Variants in BFSP2 observed in about 807,000 individuals in gnomAD.
The protein encoded by BFSP2 is phakinin.
BFSP2 carries 38 observed loss-of-function variants against 44.9 expected under a neutral mutation model. The observed-to-expected ratio is 0.85, with a 90% CI of 0.65 to 1.11. BFSP2 has a LOEUF of 1.11. Ranked by LOEUF, BFSP2 falls within the 50% of genes least tolerant of loss-of-function variation. The pLI, the probability that BFSP2 is intolerant of heterozygous loss-of-function variation, is 0.00. For missense variants in BFSP2, 525 were observed against 533.0 expected (o/e 0.99, Z 0.15); for synonymous variants, 197 against 209.9 (o/e 0.94, Z 0.53).
chr3:133,433,376 G>C (rs1430390909), intron 1 of BFSP2, among the ~76,000 whole-genome samples: 1 of 152,108 alleles, frequency 6.6e-6, no homozygotes, highest in African/African-American at 2.4e-5. Context: ...TTTCCATTGT[G>C]GAAATCTATC....
chr3:133,400,093 A>G lies in BFSP2; in HGVS notation c.10A>G (p.Arg4Gly). The G allele has an allele frequency of 6.2e-7, 1 of 1,614,144 alleles. No homozygotes were observed. MSE[R>G]RVVVDLPTSA... is the part of the protein sequence containing the mutation. The stretch of plus-strand genomic sequence containing the variant: ...AGAGGCAGAAGGGGTGATGAGTGAG[A>G]GGCGAGTGGTAGTGGACTTGCCCAC... The change falls in exon 1 of 7, where the codon AGG (arginine) becomes GGG (glycine). Residue 4 changes from arginine to glycine, a missense_variant. Arg to Gly is a moderately radical substitution (Grantham distance 125). Coordinates refer to ENST00000302334, the MANE Select transcript of BFSP2 (RefSeq NM_003571.4). The surrounding 1 kb of genome is among the most constrained non-coding windows in gnomAD (Gnocchi z 4.0).
chr3:133,410,866 T>C (rs1412325483), intron 1 of BFSP2: 1 of 161,210 alleles, frequency 6.2e-6, no homozygotes, highest in African/African-American at 2.4e-5. Context: ...GCTTTTAATA[T>C]TGTGACTATG....
intron 1 of BFSP2, among the ~76,000 whole-genome samples, chr3:133,429,903 C>T (rs1396071302): frequency 2.0e-5 from 3 of 151,564 alleles, no homozygotes; most frequent in South Asian, 2.1e-4. Context: ...TATCCCTCCC[C>T]ACTACCCCCA....
rs568833397 is a variant in BFSP2, at chr3:133,431,572, C to T, written c.490-15745C>T. ...TGGCCCGAGGCTCTCTGACTGACTC[C>T]TTCTTGGCTTAGCGGCTGAAGACTG... is the stretch of plus-strand genomic sequence containing the variant. On this transcript the variant is annotated intron_variant, in intron 1 of 6. Coordinates refer to ENST00000302334, the MANE Select transcript of BFSP2 (RefSeq NM_003571.4). 2.0e-5 allele frequency among the ~76,000 whole-genome samples: 3 copies of T among 152,340 alleles called. No individual in the cohort carries two copies. The East Asian group carries it at 5.8e-4, about 29-fold the overall frequency.
chr3:133,454,237 T>C (rs1377765244), intron 4 of BFSP2, among the ~76,000 whole-genome samples: 2 of 152,210 alleles, frequency 1.3e-5, no homozygotes, highest in African/African-American at 4.8e-5. Flanking sequence ...GGAGGATTGC[T>C]TGAGGCCAAG....
chr3:133,427,086 T>C (rs559265964), intron 1 of BFSP2, among the ~76,000 whole-genome samples: 17 of 152,324 alleles, frequency 1.1e-4, no homozygotes, highest in South Asian at 8.3e-4. Flanking sequence ...TTTAAGCCAA[T>C]TATCTCATCA....
intron 5 of BFSP2, among the ~76,000 whole-genome samples, chr3:133,468,539 G>C (rs1189776457): frequency 6.6e-6 from 1 of 152,142 alleles, no homozygotes; most frequent in African/African-American, 2.4e-5. Flanking sequence ...ACTCAATTGT[G>C]CATCTCTTTT....
intron 5 of BFSP2, among the ~76,000 whole-genome samples, chr3:133,467,710 A>C (rs2074125219): frequency 6.6e-6 from 1 of 152,198 alleles, no homozygotes; most frequent in Admixed American, 6.5e-5. Flanking sequence ...CTATTTGGGT[A>C]TTAAACATCT....
intron 1 of BFSP2, among the ~76,000 whole-genome samples, chr3:133,435,733 A>T (rs1469340517): frequency 1.3e-5 from 2 of 152,224 alleles, no homozygotes; most frequent in African/African-American, 2.4e-5. Context: ...GTACAAGATG[A>T]ATTTTTCCCT....
chr3:133,421,312 G>T (rs1005686219), intron 1 of BFSP2, among the ~76,000 whole-genome samples: 2 of 152,196 alleles, frequency 1.3e-5, no homozygotes, highest in Non-Finnish European at 2.9e-5. Context: ...TCTCTCACAG[G>T]CCTGGAGACT....
intron 4 of BFSP2, among the ~76,000 whole-genome samples, chr3:133,463,373 G>T (rs2107937710): frequency 6.6e-6 from 1 of 152,244 alleles, no homozygotes; most frequent in African/African-American, 2.4e-5. Context: ...TTGGAAGAGG[G>T]CCAAGCAGGC....
chr3:133,426,353 A>C (rs2107899835), intron 1 of BFSP2, among the ~76,000 whole-genome samples: 1 of 152,308 alleles, frequency 6.6e-6, no homozygotes, highest in South Asian at 2.1e-4. Context: ...CAGGCATTGT[A>C]AGAGGAGTGC....
intron 1 of BFSP2, among the ~76,000 whole-genome samples, chr3:133,421,925 G>A (rs1369942167): frequency 1.3e-5 from 2 of 151,950 alleles, no homozygotes; most frequent in East Asian, 1.9e-4. Flanking sequence ...TGGCCTACGT[G>A]GTGAAAACCC....
At chr3:133,431,624 C>T (rs1316178159) in intron 1 of BFSP2, among the ~76,000 whole-genome samples, 2 of 152,154 alleles carry the variant, frequency 1.3e-5, no homozygotes, top group Non-Finnish European at 1.5e-5. Flanking sequence ...TCAGAAGCCC[C>T]GCAGACCATC....
chr3:133,401,276 T>A (rs2073360764), intron 1 of BFSP2, among the ~76,000 whole-genome samples: 1 of 152,266 alleles, frequency 6.6e-6, no homozygotes, highest in African/African-American at 2.4e-5. Flanking sequence ...AGTAGAGCTT[T>A]CTGCGTGATG....
chr3:133,424,245 T>TGTGTGTGTGTGTGTGTG (rs2073623766), intron 1 of BFSP2, among the ~76,000 whole-genome samples: 1 of 129,706 alleles, frequency 7.7e-6, no homozygotes, highest in African/African-American at 3.5e-5. Context: ...TTTTTTTGTA[T>TGTGTGTGTGTGTGTGTG]TTTTAGTAGA....
chr3:133,427,894 G>A (rs1392909288), intron 1 of BFSP2, among the ~76,000 whole-genome samples: 1 of 152,194 alleles, frequency 6.6e-6, no homozygotes, highest in Non-Finnish European at 1.5e-5. Flanking sequence ...AATTTGTTCT[G>A]AGGGTTTTGC....
At chr3:133,457,293 T>A (rs1165134084) in intron 4 of BFSP2, among the ~76,000 whole-genome samples, 1 of 152,254 alleles carries the variant, frequency 6.6e-6, no homozygotes, top group Non-Finnish European at 1.5e-5. Flanking sequence ...CATCTTCATA[T>A]CTCTGAATCT....
At chr3:133,466,554 G>A (rs559701013) in intron 4 of BFSP2, among the ~76,000 whole-genome samples, 1 of 151,282 alleles carries the variant, frequency 6.6e-6, no homozygotes, top group East Asian at 1.9e-4. Flanking sequence ...CTGGTGGCGG[G>A]TACCTGTAAT....
Sources: allele counts gnomAD v4.1 joint callset (sites outside exome capture counted in the v4.1 genomes callset), GRCh38; gene constraint gnomAD v4.1.1; non-coding constraint Gnocchi (gnomAD v3.1); transcripts MANE v1.5; gene names NCBI Gene and HGNC (gene_info 2026-07-23, HGNC 2026-07-21).